The following B3GLCT variants were observed in gnomAD, a reference collection of about 807,000 sequenced individuals.
B3GLCT encodes beta-1,3-glucosyltransferase.
In B3GLCT, 65 loss-of-function variants were observed where a neutral mutation model predicts 63.4. That is an observed-to-expected ratio of 1.03 (90% CI 0.84 to 1.26). The LOEUF (loss-of-function observed/expected upper bound fraction) is 1.26, where lower values mean the gene tolerates loss of function less well. Ranked by LOEUF, B3GLCT falls within the 50% of genes most tolerant of loss-of-function variation. The pLI, the probability that B3GLCT is intolerant of heterozygous loss-of-function variation, is 0.00. For synonymous variants in B3GLCT, 233 were observed against 219.2 expected (o/e 1.06, Z -0.55); for missense variants, 577 against 604.8 (o/e 0.95, Z 0.48).
chr13:31,209,625 T>C (rs373407405), intron 1 of B3GLCT, among the ~76,000 whole-genome samples: 45 of 152,210 alleles, frequency 3.0e-4, no homozygotes, highest in African/African-American at 1.1e-3. Flanking sequence ...CCGGGTTTTA[T>C]GCTCTCCTGG....
intron 4 of B3GLCT, among the ~76,000 whole-genome samples, chr13:31,242,748 G>A (rs1251703455): frequency 6.6e-6 from 1 of 152,200 alleles, no homozygotes; most frequent in Non-Finnish European, 1.5e-5. Flanking sequence ...ACGGAGTAAT[G>A]CTTTTCAAAG....
At chr13:31,259,689 C>T (rs1048960809) in intron 6 of B3GLCT, among the ~76,000 whole-genome samples, 1 of 151,948 alleles carries the variant, frequency 6.6e-6, no homozygotes, top group Non-Finnish European at 1.5e-5. Flanking sequence ...GAGCCCCCAG[C>T]TGCTGCTTTT....
chr13:31,309,379 C>T (rs1874579275), intron 12 of B3GLCT, among the ~76,000 whole-genome samples: 1 of 152,190 alleles, frequency 6.6e-6, no homozygotes, highest in Non-Finnish European at 1.5e-5. Flanking sequence ...GGGTGTCCTC[C>T]AATTCAGTTC....
At chr13:31,279,637 G>A (rs1052074342) in intron 10 of B3GLCT, among the ~76,000 whole-genome samples, 3 of 152,264 alleles carry the variant, frequency 2.0e-5, no homozygotes, top group East Asian at 1.9e-4. Flanking sequence ...GGACCAGGGC[G>A]AAATTAAAAT....
At chr13:31,323,326 G>T (rs1162171854) in intron 13 of B3GLCT, among the ~76,000 whole-genome samples, 1 of 152,172 alleles carries the variant, frequency 6.6e-6, no homozygotes, top group Non-Finnish European at 1.5e-5. Context: ...GAGTGCTGTG[G>T]GCAAGGCCCT....
intron 13 of B3GLCT, among the ~76,000 whole-genome samples, chr13:31,323,337 A>G (rs550071511): frequency 7.9e-5 from 12 of 152,320 alleles, no homozygotes; most frequent in East Asian, 1.9e-4. Context: ...GCAAGGCCCT[A>G]TATGTGGCAG....
chr13:31,214,223 C>T (rs1869440493), intron 1 of B3GLCT, among the ~76,000 whole-genome samples: 1 of 152,174 alleles, frequency 6.6e-6, no homozygotes, highest in Admixed American at 6.5e-5. Context: ...CCTGGGAGTG[C>T]TAATTGGAGA....
In B3GLCT at chr13:31,262,891, G is replaced by A. The variant is rs147303673; in HGVS notation, c.596+1809G>A. On this transcript the variant is annotated intron_variant, in intron 7 of 14. Coordinates refer to ENST00000343307, the MANE Select transcript of B3GLCT (RefSeq NM_194318.4). ...GACTTCTCCATGGGAGAAGTCCCAC[G>A]TGGCTGTGATTTTTCTGACTTGGGA... Among the ~76,000 whole-genome samples, 16 of 152,226 alleles carry A rather than the reference G, an allele frequency of 1.1e-4. No homozygotes were observed. The East Asian group carries it at 2.7e-3, about 26-fold the overall frequency.
chr13:31,212,319 G>A (rs1371332176), intron 1 of B3GLCT, among the ~76,000 whole-genome samples: 4 of 147,268 alleles, frequency 2.7e-5, no homozygotes, highest in African/African-American at 7.7e-5. Context: ...CTGTCGCCCA[G>A]GCTGGAGTGC....
intron 6 of B3GLCT, 102 bp downstream of exon 6, chr13:31,248,068 G>C: frequency 1.4e-6 from 1 of 690,142 alleles, no homozygotes; most frequent in East Asian, 2.8e-5. Flanking sequence ...AAACCACTTA[G>C]TTTAAAATTA....
chr13:31,318,726 G>A (rs1236640566), intron 13 of B3GLCT, among the ~76,000 whole-genome samples: 2 of 152,090 alleles, frequency 1.3e-5, no homozygotes, highest in African/African-American at 4.8e-5. Context: ...GTAATGCATC[G>A]GGCTTTCTGG....
Position 31,274,527 on chromosome 13 carries a change from G to A in B3GLCT, c.679G>A (p.Asp227Asn). The A allele has an allele frequency of 6.2e-7, 1 of 1,614,150 alleles. No homozygotes were observed. The highest frequency in any genetic ancestry group is 1.7e-5 in the Admixed American group (1 of 60,020). The change falls in exon 9 of 15, where the codon GAC (aspartate) becomes AAC (asparagine). Residue 227 changes from aspartate to asparagine, a missense_variant. Coordinates refer to ENST00000343307, the MANE Select transcript of B3GLCT (RefSeq NM_194318.4). ...GTGGCAGATTGCCCTCTACATCTGG[G>A]ACAAAGGCGGAGGACCTCCCCTGAC... The part of the protein sequence containing the change: ...LKHEIALYIW[D>N]KGGGPPLTPV...
chr13:31,246,900 G>A, intron 4 of B3GLCT, 123 bp from the exon 5 acceptor site: 1 of 746,662 alleles, frequency 1.3e-6, no homozygotes, highest in Admixed American at 2.8e-5. Flanking sequence ...AGAAACAGCT[G>A]CATTTTAAGC....
intron 6 of B3GLCT, among the ~76,000 whole-genome samples, chr13:31,251,553 A>G (rs1871427808): frequency 6.6e-6 from 1 of 152,200 alleles, no homozygotes; most frequent in Non-Finnish European, 1.5e-5. Flanking sequence ...AACACAGCAC[A>G]AGCACTTTGT....
In B3GLCT at chr13:31,329,608, A is replaced by T; in HGVS notation, c.1437A>T (p.Ala479=). The T allele has an allele frequency of 6.2e-7, 1 of 1,614,158 alleles. No individual in the cohort carries two copies. Among genetic ancestry groups the T allele is most frequent in the East Asian group, 2.2e-5 (1 of 44,870 alleles). The part of the protein sequence containing the change: ...DPVKVYFTWL[A]PSDEDKARQE... ...TGAAGGTGTATTTCACATGGTTGGC[A>T]CCCAGTGACGAAGACAAAGCCAGGC... Residue 479 remains alanine, a synonymous_variant, in exon 15 of 15, where the codon GCA becomes GCT. Transcript: ENST00000343307.
intron 12 of B3GLCT, among the ~76,000 whole-genome samples, chr13:31,315,722 A>G (rs1235830094): frequency 6.6e-6 from 1 of 152,268 alleles, no homozygotes; most frequent in Non-Finnish European, 1.5e-5. Context: ...TCATACCAAG[A>G]CAATAGGGAA....
intron 10 of B3GLCT, 42 bp downstream of exon 10, chr13:31,276,813 G>C (rs770217847): frequency 1.5e-6 from 2 of 1,373,726 alleles, no homozygotes; most frequent in Non-Finnish European, 2.1e-6. Context: ...CTAAAATCCA[G>C]ACTACCTTCT....
chr13:31,251,206 G>A (rs1871412763), intron 6 of B3GLCT, among the ~76,000 whole-genome samples: 2 of 152,168 alleles, frequency 1.3e-5, no homozygotes, highest in Admixed American at 6.5e-5. Flanking sequence ...GACCCCCTCC[G>A]AAGGTCACCG....
At position 31,206,766 on chromosome 13, in the gene B3GLCT, G is replaced by C. The variant is rs1025186710; in HGVS notation, c.70+6612G>C. On this transcript the variant is annotated intron_variant, in intron 1 of 14. Coordinates refer to ENST00000343307, the MANE Select transcript of B3GLCT (RefSeq NM_194318.4). ...AACAAAAAAAAACAAAAGATGATCG[G>C]TGGTTGTTTTGCCTTAAAGTAAGGA... Among the ~76,000 whole-genome samples the C allele has an allele frequency of 1.6e-4, 24 of 152,180 alleles. No individual in the cohort carries two copies. In the South Asian group the frequency reaches 4.8e-3, roughly 30 times the overall value.
Sources: allele counts gnomAD v4.1 joint callset (sites outside exome capture counted in the v4.1 genomes callset), GRCh38; gene constraint gnomAD v4.1.1; transcripts MANE v1.5; gene names NCBI Gene and HGNC (gene_info 2026-07-23, HGNC 2026-07-21).